KIFAP3: variants seen among roughly 807,000 people sequenced by gnomAD.
The protein encoded by KIFAP3 is kinesin-associated protein 3.
A neutral mutation model predicts 106.5 loss-of-function variants in KIFAP3; 68 were observed. That is an observed-to-expected ratio of 0.64 (90% CI 0.53 to 0.78). KIFAP3 has a LOEUF of 0.78. KIFAP3 is among the 30% of genes least tolerant of loss of function. KIFAP3 has a pLI of 0.00. For synonymous variants in KIFAP3, 320 were observed against 311.5 expected, an observed-to-expected ratio of 1.03 and a Z score of -0.29; for missense variants, 780 against 941.8, an observed-to-expected ratio of 0.83 and a Z score of 2.25.
intron 19 of KIFAP3, among the ~76,000 whole-genome samples, chr1:169,934,954 A>G (rs946358515): frequency 2.6e-5 from 4 of 152,124 alleles, no homozygotes; most frequent in Non-Finnish European, 4.4e-5. Flanking sequence ...TAGTGTATAA[A>G]AAGAATGAGG....
Position 169,983,485 on chromosome 1 carries a change from C to T in KIFAP3, c.1394-103G>A. The T allele has an allele frequency of 1.3e-5, 9 of 711,380 alleles. No individual in the cohort carries two copies. In the South Asian group the frequency reaches 1.3e-4, roughly 10 times the overall value. 44.1% of individuals were successfully genotyped at this position (711,380 alleles called of 1,614,324 possible). A position where few individuals can be genotyped will look rare whatever the true frequency, so the allele number is the denominator to read the frequency against. ...ACAACAATTTACATCTAGTAAAATG[C>T]ATAACTCTTAAGGGTACAATTTGAT... On this transcript the variant is annotated intron_variant, in intron 12 of 19. Coordinates refer to ENST00000361580, the MANE Select transcript of KIFAP3 (RefSeq NM_014970.4).
chr1:169,980,012 T>C (rs1666432651), intron 15 of KIFAP3, among the ~76,000 whole-genome samples: 1 of 152,064 alleles, frequency 6.6e-6, no homozygotes, highest in Non-Finnish European at 1.5e-5. Context: ...CAAAATAAAC[T>C]AGATTCCACT....
chr1:170,078,707 C>T (rs12121371), upstream of KIFAP3, among the ~76,000 whole-genome samples: 9,637 of 152,214 alleles, frequency 0.063, 388 homozygotes, highest in Non-Finnish European at 0.095. Context: ...ACACAAATAG[C>T]TTCACTTATG....
chr1:169,982,121 G>C, intron 14 of KIFAP3, 24 bp from the exon 15 acceptor site: 1 of 1,608,718 alleles, frequency 6.2e-7, no homozygotes, highest in Non-Finnish European at 8.5e-7. Flanking sequence ...ACCATAGAAA[G>C]TTTTCACTGA....
intron 19 of KIFAP3, among the ~76,000 whole-genome samples, chr1:169,949,094 CTCAG>C (rs1664599685): frequency 6.6e-6 from 1 of 150,644 alleles, no homozygotes; most frequent in Admixed American, 6.6e-5. Context: ...TTTAGTTCTC[CTCAG>C]TATGATTTTT....
intron 19 of KIFAP3, among the ~76,000 whole-genome samples, chr1:169,922,776 A>T (rs1662896030): frequency 6.6e-6 from 1 of 152,228 alleles, no homozygotes. Context: ...GGAAAAATAA[A>T]ACATATTTAA....
chr1:169,998,207 C>T (rs1289085927), intron 10 of KIFAP3, among the ~76,000 whole-genome samples: 1 of 151,952 alleles, frequency 6.6e-6, no homozygotes, highest in Non-Finnish European at 1.5e-5. Flanking sequence ...GACGAAAGAA[C>T]AGACAGAAGT....
chr1:170,078,037 A>C (rs2102191523), upstream of KIFAP3, among the ~76,000 whole-genome samples: 1 of 152,296 alleles, frequency 6.6e-6, no homozygotes, highest in East Asian at 1.9e-4. Context: ...TGTGTTAGTT[A>C]GTATTCTTTA....
At chr1:170,070,112 GAAC>G (rs1017614844) in intron 1 of KIFAP3, among the ~76,000 whole-genome samples, 1 of 151,896 alleles carries the variant, frequency 6.6e-6, no homozygotes, top group African/African-American at 2.4e-5. Context: ...CGTAACCAAG[GAAC>G]AACTGTATAC....
chr1:169,922,292 A>G (rs1371437110), intron 19 of KIFAP3, among the ~76,000 whole-genome samples: 1 of 152,192 alleles, frequency 6.6e-6, no homozygotes, highest in Non-Finnish European at 1.5e-5. Context: ...CCATAAGCCT[A>G]TGATTAAAAG....
chr1:170,071,824 A>G (rs1190167023), intron 1 of KIFAP3, among the ~76,000 whole-genome samples: 1 of 152,204 alleles, frequency 6.6e-6, no homozygotes, highest in Non-Finnish European at 1.5e-5. Context: ...AACTATATCC[A>G]AACCACAGCA....
At chr1:170,033,353 A>T (rs1054191886) in intron 7 of KIFAP3, among the ~76,000 whole-genome samples, 2 of 151,884 alleles carry the variant, frequency 1.3e-5, no homozygotes, top group African/African-American at 4.8e-5. Flanking sequence ...CAGAGGCCAA[A>T]ATTAATATAA....
chr1:169,985,655 G>A (rs2101917641), intron 11 of KIFAP3, among the ~76,000 whole-genome samples: 1 of 152,026 alleles, frequency 6.6e-6, no homozygotes, highest in East Asian at 1.9e-4. Flanking sequence ...GAGTTTAGAA[G>A]AAATGTCTGG....
At chr1:170,021,574 G>T (rs1269460956) in intron 9 of KIFAP3, among the ~76,000 whole-genome samples, 1 of 151,302 alleles carries the variant, frequency 6.6e-6, no homozygotes, top group Non-Finnish European at 1.5e-5. Flanking sequence ...TAAGTAGCTG[G>T]TATTACAGGT....
chr1:169,965,723 G>C (rs986025254), intron 17 of KIFAP3, among the ~76,000 whole-genome samples: 1 of 151,796 alleles, frequency 6.6e-6, no homozygotes, highest in African/African-American at 2.4e-5. Flanking sequence ...TCTAACTTTA[G>C]CCTTCTTATC....
chr1:170,042,943 T>C (rs531473631), intron 3 of KIFAP3, among the ~76,000 whole-genome samples: 6 of 152,328 alleles, frequency 3.9e-5, no homozygotes, highest in African/African-American at 1.4e-4. Flanking sequence ...TAGGTAACAA[T>C]AACCAAGGAA....
intron 19 of KIFAP3, among the ~76,000 whole-genome samples, chr1:169,923,363 C>A (rs555566724): frequency 9.9e-5 from 15 of 152,120 alleles, no homozygotes; most frequent in Non-Finnish European, 2.1e-4. Context: ...AATCAGTGAA[C>A]TAAGAGACAC....
At chr1:169,928,103 C>CT (rs59128071) in intron 19 of KIFAP3, among the ~76,000 whole-genome samples, 138,680 of 148,840 alleles carry the variant, frequency 0.93, 64,674 homozygotes, top group East Asian at 0.99. Flanking sequence ...TATCTTTTCT[C>CT]TTTTTTTTTT....
intron 19 of KIFAP3, among the ~76,000 whole-genome samples, chr1:169,928,822 ATTTTGC>A (rs1201052760): frequency 6.6e-6 from 1 of 151,930 alleles, no homozygotes; most frequent in Non-Finnish European, 1.5e-5. Context: ...AATGGAGCAA[ATTTTGC>A]CCCCTTAGTA....
Sources: gnomAD v4.1 joint callset for allele counts (sites outside exome capture counted in the v4.1 genomes callset) on GRCh38, gnomAD v4.1.1 for gene constraint, MANE v1.5 for transcripts, NCBI Gene and HGNC (gene_info 2026-07-23, HGNC 2026-07-21) for gene names.